The following C16orf74 variants were observed in gnomAD, a reference collection of about 807,000 sequenced individuals.
C16orf74 encodes the protein uncharacterized protein C16orf74.
A neutral mutation model predicts 6.5 loss-of-function variants in C16orf74; 10 were observed. The observed-to-expected ratio is 1.54, with a 90% CI of 0.95 to 2.61. C16orf74 has a LOEUF of 2.61. Ranked by LOEUF, C16orf74 falls within the 30% of genes most tolerant of loss-of-function variation. The pLI is 0.00. For synonymous variants in C16orf74, 60 were observed against 42.5 expected (o/e 1.41, Z -1.60); for missense variants, 141 against 105.9 (o/e 1.33, Z -1.45).
At chr16:85,728,730 C>T (rs897498850) in intron 2 of C16orf74, among the ~76,000 whole-genome samples, 3 of 152,200 alleles carry the variant, frequency 2.0e-5, no homozygotes, top group African/African-American at 7.2e-5. Context: ...ACTCTCGAGA[C>T]CTGACCCAGG....
At chr16:85,710,372 G>A (rs1174099046) in intron 2 of C16orf74, 65 bp from the exon 3 acceptor site, 14 of 1,409,980 alleles carry the variant, frequency 9.9e-6, no homozygotes, top group East Asian at 3.1e-5. Context: ...ATCAGTGGCC[G>A]CCGGGAACCG....
At chr16:85,715,007 A>T (rs1339963553) in intron 2 of C16orf74, among the ~76,000 whole-genome samples, 3 of 151,584 alleles carry the variant, frequency 2.0e-5, no homozygotes, top group Admixed American at 6.6e-5. Context: ...ATACAAAAAA[A>T]TTAGGCAGGC....
intron 1 of C16orf74, among the ~76,000 whole-genome samples, chr16:85,748,059 C>A (rs1302380063): frequency 4.4e-5 from 3 of 67,974 alleles, no homozygotes; most frequent in African/African-American, 9.6e-5. Context: ...GCACTCCAGC[C>A]TGGGTGACAG....
intron 1 of C16orf74, among the ~76,000 whole-genome samples, chr16:85,740,976 G>A (rs1157608927): frequency 6.6e-6 from 1 of 152,132 alleles, no homozygotes; most frequent in African/African-American, 2.4e-5. Flanking sequence ...CACGCGTGTA[G>A]GTAAATGTTC....
chr16:85,749,324 T>G (rs9921733), intron 1 of C16orf74, among the ~76,000 whole-genome samples: 6,472 of 152,236 alleles, frequency 0.043, 450 homozygotes, highest in African/African-American at 0.15. Context: ...CTCCCTCTGT[T>G]GCCCAGGCTG....
intron 2 of C16orf74, among the ~76,000 whole-genome samples, chr16:85,724,242 G>T (rs750894537): frequency 1.3e-5 from 2 of 152,210 alleles, no homozygotes; most frequent in Non-Finnish European, 2.9e-5. Flanking sequence ...GACCCCCGGT[G>T]GGACCGTGAG....
intron 2 of C16orf74, among the ~76,000 whole-genome samples, chr16:85,729,506 CT>C (rs1241525985): frequency 6.6e-6 from 1 of 152,246 alleles, no homozygotes; most frequent in African/African-American, 2.4e-5. Context: ...AAGCACATTC[CT>C]GCCCCCCACA....
At chr16:85,726,240 T>A (rs1048243155) in intron 2 of C16orf74, among the ~76,000 whole-genome samples, 10 of 152,140 alleles carry the variant, frequency 6.6e-5, no homozygotes, top group Non-Finnish European at 1.3e-4. Context: ...CACATTTCCG[T>A]CTCTCCCCCA....
At chr16:85,739,395 G>C (rs2054279004) in intron 1 of C16orf74, among the ~76,000 whole-genome samples, 1 of 152,170 alleles carries the variant, frequency 6.6e-6, no homozygotes, top group Non-Finnish European at 1.5e-5. Context: ...TCAACCCAGG[G>C]TTTGAAAACC....
chr16:85,726,493 T>A (rs770461954), intron 2 of C16orf74, among the ~76,000 whole-genome samples: 134 of 152,174 alleles, frequency 8.8e-4, no homozygotes, highest in Non-Finnish European at 1.8e-3. Context: ...GCGGTGGCAA[T>A]GGCAGGCAGT....
intron 1 of C16orf74, among the ~76,000 whole-genome samples, chr16:85,737,466 G>C (rs1373462150): frequency 6.6e-6 from 1 of 152,208 alleles, no homozygotes; most frequent in African/African-American, 2.4e-5. Flanking sequence ...GGGAGGCTGA[G>C]GCATGAGGAT....
At chr16:85,715,099 G>A (rs1274357728) in intron 2 of C16orf74, among the ~76,000 whole-genome samples, 1 of 150,640 alleles carries the variant, frequency 6.6e-6, no homozygotes, top group East Asian at 2.0e-4. Flanking sequence ...GGAGCTTGCA[G>A]TGAGCCGAGA....
intron 2 of C16orf74, among the ~76,000 whole-genome samples, chr16:85,727,920 G>T (rs768593559): frequency 4.3e-4 from 56 of 129,956 alleles, no homozygotes; most frequent in Non-Finnish European, 6.5e-4. Context: ...TTGAAGCCAA[G>T]ACTTTAAGAC....
At chr16:85,710,098 C>T (rs945092469) in intron 3 of C16orf74, 66 bp downstream of exon 3, 1 of 1,329,650 alleles carries the variant, frequency 7.5e-7, no homozygotes, top group South Asian at 1.8e-5. Flanking sequence ...GAAGGACGCC[C>T]CTGAGAGCTG....
chr16:85,750,054 A>G (rs1432044556), intron 1 of C16orf74, among the ~76,000 whole-genome samples: 1 of 152,158 alleles, frequency 6.6e-6, no homozygotes, highest in Non-Finnish European at 1.5e-5. Context: ...GGTGGGGTCT[A>G]GGCAGGAAAC....
intron 2 of C16orf74, among the ~76,000 whole-genome samples, chr16:85,729,735 T>C (rs1032938648): frequency 1.5e-4 from 23 of 152,218 alleles, no homozygotes; most frequent in African/African-American, 4.1e-4. Context: ...GGAGGTTGAA[T>C]GCAGGGCAAC....
intron 2 of C16orf74, among the ~76,000 whole-genome samples, chr16:85,734,439 G>C (rs1361657423): frequency 6.6e-6 from 1 of 152,184 alleles, no homozygotes; most frequent in East Asian, 1.9e-4. Flanking sequence ...TGCCTGGAAG[G>C]GGCTGCTGGG....
intron 1 of C16orf74, among the ~76,000 whole-genome samples, chr16:85,750,665 G>C (rs2054427418): frequency 6.6e-6 from 1 of 152,156 alleles, no homozygotes; most frequent in South Asian, 2.1e-4. Context: ...CTTCCGCGCG[G>C]GGTCACACCC....
At chr16:85,745,891 C>T (rs1019321811) in intron 1 of C16orf74, among the ~76,000 whole-genome samples, 1 of 152,196 alleles carries the variant, frequency 6.6e-6, no homozygotes, top group Non-Finnish European at 1.5e-5. Flanking sequence ...TTGTGTGGAT[C>T]ACAGAAGTTC....
Sources: gnomAD v4.1 joint callset for allele counts (sites outside exome capture counted in the v4.1 genomes callset) on GRCh38, gnomAD v4.1.1 for gene constraint, MANE v1.5 for transcripts, NCBI Gene and HGNC (gene_info 2026-07-23, HGNC 2026-07-21) for gene names.